DOCK1: variants seen among roughly 807,000 people sequenced by gnomAD.
The protein encoded by DOCK1 is dedicator of cytokinesis protein 1.
Under a neutral mutation model 262.7 loss-of-function variants are expected in DOCK1, and 138 were observed. That is an observed-to-expected ratio of 0.53 (90% CI 0.46 to 0.61). The LOEUF is 0.61. Ranked by LOEUF, DOCK1 falls within the 20% of genes least tolerant of loss-of-function variation. DOCK1 has a pLI of 0.00. For missense variants in DOCK1, 1,908 were observed against 2,370.7 expected, an observed-to-expected ratio of 0.80 and a Z score of 4.05; for synonymous variants, 866 against 867.4, an observed-to-expected ratio of 1.00 and a Z score of 0.03.
intron 27 of DOCK1, among the ~76,000 whole-genome samples, chr10:127,216,949 T>A (rs994441025): frequency 2.0e-5 from 3 of 152,198 alleles, no homozygotes; most frequent in Middle Eastern, 3.2e-3. Flanking sequence ...CATTTCCATT[T>A]GGTTGAAATC....
At chr10:126,948,776 G>T (rs1328769401) in intron 1 of DOCK1, among the ~76,000 whole-genome samples, 13 of 152,062 alleles carry the variant, frequency 8.5e-5, no homozygotes, top group African/African-American at 2.9e-4. Context: ...GAATCATTGT[G>T]AGCTGCTCTG....
Position 127,176,091 on chromosome 10 carries a change from C to T in DOCK1, c.2847+48327C>T. The T allele has an allele frequency of 6.2e-7, 1 of 1,614,174 alleles. No homozygotes were observed. The highest frequency in any genetic ancestry group is 1.7e-5 in the Admixed American group (1 of 60,024). The stretch of plus-strand genomic sequence containing the variant: ...GTCGGGCGAGGTCTGCACGCCTGTG[C>T]TCTTGGTGACGTTGGGGATGGACCT... On this transcript the variant is annotated intron_variant, in intron 27 of 51. Transcript: ENST00000623213. This position sits in a 1 kb window ranked among gnomAD's most constrained non-coding sequence, Gnocchi z 4.4.
chr10:127,314,136 C>A (rs1052618426), intron 29 of DOCK1, among the ~76,000 whole-genome samples: 1 of 152,220 alleles, frequency 6.6e-6, no homozygotes, highest in African/African-American at 2.4e-5. Context: ...CATGGCATGA[C>A]TTTCCTCCAA....
intron 27 of DOCK1, among the ~76,000 whole-genome samples, chr10:127,164,258 A>G (rs2053879497): frequency 1.5e-5 from 2 of 135,120 alleles, no homozygotes; most frequent in Non-Finnish European, 3.0e-5. Flanking sequence ...ATCTGGGCTC[A>G]CTGCAAACTC....
intron 22 of DOCK1, among the ~76,000 whole-genome samples, chr10:127,057,784 G>A (rs1288438253): frequency 6.6e-6 from 1 of 152,184 alleles, no homozygotes; most frequent in Admixed American, 6.5e-5. Flanking sequence ...GTCATCTGGT[G>A]TTAGCTTTGT....
At chr10:127,363,079 G>T (rs2064683553) in intron 33 of DOCK1, among the ~76,000 whole-genome samples, 1 of 52,144 alleles carries the variant, frequency 1.9e-5, no homozygotes, top group Admixed American at 2.5e-4. Flanking sequence ...ATACACATAT[G>T]TGCACACATA....
chr10:127,292,945 T>C (rs2061394894), intron 29 of DOCK1, among the ~76,000 whole-genome samples: 1 of 151,910 alleles, frequency 6.6e-6, no homozygotes, highest in Non-Finnish European at 1.5e-5. Flanking sequence ...GGGTGGGAAG[T>C]CCCCACTTGA....
chr10:127,064,220 T>C (rs2045714714), intron 23 of DOCK1, among the ~76,000 whole-genome samples: 1 of 152,200 alleles, frequency 6.6e-6, no homozygotes, highest in African/African-American at 2.4e-5. Context: ...GTGATTCTCC[T>C]GCCTCATCCT....
At chr10:127,287,721 C>T (rs961717859) in intron 29 of DOCK1, among the ~76,000 whole-genome samples, 12 of 150,586 alleles carry the variant, frequency 8.0e-5, no homozygotes, top group African/African-American at 2.7e-4. Context: ...GTGTGGTGTT[C>T]TTCCCATTGC....
intron 27 of DOCK1, among the ~76,000 whole-genome samples, chr10:127,241,353 G>C (rs117727232): frequency 0.026 from 3,964 of 152,134 alleles, 61 homozygotes; most frequent in Middle Eastern, 0.051. Flanking sequence ...TATTATTGTA[G>C]TTTTTTTACT....
intron 33 of DOCK1, among the ~76,000 whole-genome samples, chr10:127,366,176 T>G (rs1173888832): frequency 6.6e-6 from 1 of 151,912 alleles, no homozygotes; most frequent in African/African-American, 2.4e-5. Flanking sequence ...TGTCATCTGC[T>G]TGAACCTCTG....
intron 9 of DOCK1, 53 bp from the exon 10 acceptor site, chr10:127,000,119 C>A: frequency 6.3e-7 from 1 of 1,596,110 alleles, no homozygotes; most frequent in Non-Finnish European, 8.6e-7. Context: ...TTCATTGGAG[C>A]TTGCATTGAA....
At chr10:127,205,145 G>A (rs1441666870) in intron 27 of DOCK1, among the ~76,000 whole-genome samples, 3 of 152,014 alleles carry the variant, frequency 2.0e-5, no homozygotes, top group Admixed American at 1.3e-4. Flanking sequence ...TTGTCACATG[G>A]AACTGCTGAT....
At chr10:127,016,961 C>T (rs573971823) in intron 12 of DOCK1, among the ~76,000 whole-genome samples, 34 of 133,246 alleles carry the variant, frequency 2.6e-4, no homozygotes, top group African/African-American at 9.6e-4. Flanking sequence ...CAGAGATATA[C>T]CACAAATACA....
chr10:127,361,106 CT>C (rs1175942298), intron 32 of DOCK1, among the ~76,000 whole-genome samples: 2,955 of 87,396 alleles, frequency 0.034, 13 homozygotes, highest in African/African-American at 0.095. Context: ...TAAAGTAGTT[CT>C]TTTTTTTTTT....
chr10:127,333,144 C>T (rs1442486784), intron 29 of DOCK1, among the ~76,000 whole-genome samples: 1 of 152,176 alleles, frequency 6.6e-6, no homozygotes, highest in Non-Finnish European at 1.5e-5. Context: ...GATACATCGT[C>T]TCCACCCCCA....
chr10:126,985,273 G>A (rs1007626888), intron 4 of DOCK1, among the ~76,000 whole-genome samples: 6 of 152,186 alleles, frequency 3.9e-5, no homozygotes, highest in East Asian at 1.9e-4. Flanking sequence ...GAGCCACCGC[G>A]TGGAGCCCCA....
intron 26 of DOCK1, 68 bp downstream of exon 26, chr10:127,125,669 C>T: frequency 6.4e-7 from 1 of 1,559,968 alleles, no homozygotes. Flanking sequence ...TGCAGTACAA[C>T]TTTATTCAGT....
chr10:127,031,575 T>G, intron 16 of DOCK1, 75 bp from the exon 17 acceptor site: 1 of 1,170,120 alleles, frequency 8.5e-7, no homozygotes, highest in Non-Finnish European at 1.2e-6. Flanking sequence ...AAGGTAGCCT[T>G]TGTAGCTTCT....
Sources: gnomAD v4.1 joint callset for allele counts (sites outside exome capture counted in the v4.1 genomes callset) on GRCh38, gnomAD v4.1.1 for gene constraint, Gnocchi (gnomAD v3.1) non-coding constraint, MANE v1.5 for transcripts, NCBI Gene and HGNC (gene_info 2026-07-23, HGNC 2026-07-21) for gene names.